KMT2E: variants seen among roughly 807,000 people sequenced by gnomAD.
The protein encoded by KMT2E is histone reader KMT2E.
Under a neutral mutation model 184.6 loss-of-function variants are expected in KMT2E, and 30 were observed. The observed-to-expected ratio is 0.16, with a 90% CI of 0.12 to 0.22. The LOEUF (loss-of-function observed/expected upper bound fraction) is 0.22, where lower values mean the gene tolerates loss of function less well. Ranked by LOEUF, KMT2E falls within the 10% of genes least tolerant of loss-of-function variation. KMT2E has a pLI of 1.00. For synonymous variants in KMT2E, 815 were observed against 776.5 expected, an observed-to-expected ratio of 1.05 and a Z score of -0.82; for missense variants, 2,023 against 2,237.4, an observed-to-expected ratio of 0.90 and a Z score of 1.93.
chr7:105,072,926 A>G (rs1277328456), intron 6 of KMT2E, among the ~76,000 whole-genome samples: 2 of 152,154 alleles, frequency 1.3e-5, no homozygotes, highest in African/African-American at 2.4e-5. Context: ...AAAAAAAAGC[A>G]GTATTTATTT....
At chr7:105,097,978 T>G (rs2089186711) in intron 15 of KMT2E, among the ~76,000 whole-genome samples, 1 of 152,060 alleles carries the variant, frequency 6.6e-6, no homozygotes, top group South Asian at 2.1e-4. Flanking sequence ...ATCAAAATAA[T>G]AAAGAGTGCC....
rs753213026 is a variant in KMT2E at position 105,112,751 on chromosome 7, G to T, written c.4995G>T (p.Gly1665=). The change falls in exon 27 of 27, where the codon GGG becomes GGT. Residue 1665 remains glycine, a synonymous_variant. Transcript: ENST00000311117. The stretch of plus-strand genomic sequence containing the variant: ...GGCCTGTTCATGCGGTCACCCCTGG[G>T]TCGCATATTCATTCTCAAACTGCTG... The part of the protein sequence containing the change: ...VVGPVHAVTP[G]SHIHSQTAGH... 6.2e-7 allele frequency: 1 copy of T among 1,613,346 alleles called. No individual in the cohort carries two copies. Among genetic ancestry groups the T allele is most frequent in the East Asian group, 2.2e-5 (1 of 44,780 alleles).
rs760454347 is a variant in KMT2E, at chr7:105,041,015, A to G, written c.63A>G (p.Ala21=). ...TAETSYLEMA[A]GSEPESVEAS... The stretch of plus-strand genomic sequence containing the variant: ...AGACGTCATACTTGGAAATGGCTGC[A>G]GGTTCAGAGTAAGTATTTAAATTGG... The change falls in exon 3 of 27, where the codon GCA becomes GCG. Residue 21 remains alanine, a synonymous_variant. Transcript: ENST00000311117. The G allele has an allele frequency of 1.3e-6, 2 of 1,547,302 alleles. No individual in the cohort carries two copies. Among genetic ancestry groups the G allele is most frequent in the East Asian group, 2.4e-5 (1 of 41,932 alleles).
At chr7:105,106,461 C>T (rs1798902011) in intron 19 of KMT2E, 61 bp from the exon 20 acceptor site, 2 of 1,433,482 alleles carry the variant, frequency 1.4e-6, no homozygotes, top group Non-Finnish European at 9.8e-7. Context: ...GAATGTGACA[C>T]AAACAGATTT....
chr7:105,103,010 A>G (rs1417733987), intron 17 of KMT2E: 1 of 152,240 alleles, frequency 6.6e-6, no homozygotes, highest in Non-Finnish European at 1.5e-5. Context: ...AGGTTTCATT[A>G]GAGACAATCT....
At chr7:105,024,722 T>C (rs1795102479) in intron 1 of KMT2E, among the ~76,000 whole-genome samples, 1 of 152,202 alleles carries the variant, frequency 6.6e-6, no homozygotes. Context: ...ACATAGTGGT[T>C]AATCAAGGTT....
At chr7:105,028,483 GTTTTC>G (rs1184094972) in intron 1 of KMT2E, among the ~76,000 whole-genome samples, 7 of 151,370 alleles carry the variant, frequency 4.6e-5, no homozygotes, top group Admixed American at 6.6e-5. Context: ...AGACATTTCT[GTTTTC>G]TTTTTCCTCT....
chr7:105,073,820 A>G (rs539909391), intron 7 of KMT2E, 143 bp downstream of exon 7: 3 of 531,106 alleles, frequency 5.6e-6, no homozygotes, highest in East Asian at 3.1e-5. Context: ...AGAGTATGCA[A>G]TCTCTGGTAT....
chr7:105,039,516 C>T (rs1187980544), intron 2 of KMT2E, among the ~76,000 whole-genome samples: 1 of 152,086 alleles, frequency 6.6e-6, no homozygotes, highest in Non-Finnish European at 1.5e-5. Context: ...CTTATATCTG[C>T]CTGTAATATT....
intron 6 of KMT2E, among the ~76,000 whole-genome samples, chr7:105,068,455 T>C (rs1295333851): frequency 6.6e-6 from 1 of 151,676 alleles, no homozygotes; most frequent in Non-Finnish European, 1.5e-5. Flanking sequence ...TGGAACAAAC[T>C]TCTCTTTTTT....
At chr7:105,035,424 C>T (rs573901744) in intron 1 of KMT2E, among the ~76,000 whole-genome samples, 1 of 151,834 alleles carries the variant, frequency 6.6e-6, no homozygotes, top group Non-Finnish European at 1.5e-5. Flanking sequence ...CTGCCTCAGC[C>T]TCCCAAAGTG....
chr7:105,025,071 CAT>C (rs1437231495), intron 1 of KMT2E, among the ~76,000 whole-genome samples: 1 of 152,088 alleles, frequency 6.6e-6, no homozygotes, highest in Non-Finnish European at 1.5e-5. Context: ...TGGAGAATGA[CAT>C]GTGGAACGTG....
At position 105,111,828 on chromosome 7, in the gene KMT2E, G is replaced by C; in HGVS notation, c.4072G>C (p.Gly1358Arg). The C allele has an allele frequency of 4.3e-6, 7 of 1,609,854 alleles. No homozygotes were observed. The highest frequency in any genetic ancestry group is 5.1e-6 in the Non-Finnish European group (6 of 1,178,164). ...CKSPPKMSKP[G>R]SPGSVIPAQA... ...ATAATTTGTTTTCTCTTCATAGCCTGGTTCACCTGGATCTGTAATTCCTGC... is the reference window on the plus strand; with the variant it reads ...ATAATTTGTTTTCTCTTCATAGCCTCGTTCACCTGGATCTGTAATTCCTGC... Residue 1358 changes from glycine to arginine, a missense_variant, in exon 27 of 27, where the codon GGT (glycine) becomes CGT (arginine). Coordinates refer to ENST00000311117, the MANE Select transcript of KMT2E (RefSeq NM_182931.3).
intron 17 of KMT2E, chr7:105,103,088 A>G (rs989559910): frequency 6.6e-6 from 1 of 152,198 alleles, no homozygotes; most frequent in African/African-American, 2.4e-5. Flanking sequence ...AAGCAACCCA[A>G]TATTTGCCTG....
Position 105,113,091 on chromosome 7 carries a change from C to G in KMT2E, c.5335C>G (p.Pro1779Ala). The change falls in exon 27 of 27, where the codon CCT (proline) becomes GCT (alanine). Residue 1779 changes from proline to alanine, a missense_variant. By Grantham distance (27) the Pro-to-Ala change is conservative (BLOSUM62 -1). Around this residue, in one of 8 missense-constraint regions of KMT2E, gnomAD observed 1,108 missense variants for 1,050.9 expected, o/e 1.05. Transcript: ENST00000311117. ...TTLGPGPQHQPSGTGPHCPLP... is the reference protein window; with the variant it reads ...TTLGPGPQHQASGTGPHCPLP... ...TTTGGGACCGGGACCCCAGCACCAG[C>G]CTTCTGGAACAGGGCCACATTGTCC... 6.2e-7 allele frequency: 1 copy of G among 1,614,186 alleles called. No individual in the cohort carries two copies. Among genetic ancestry groups the G allele is most frequent in the East Asian group, 2.2e-5 (1 of 44,874 alleles).
At chr7:105,060,273 G>A (rs776127887) in intron 3 of KMT2E, among the ~76,000 whole-genome samples, 18 of 151,964 alleles carry the variant, frequency 1.2e-4, no homozygotes, top group Admixed American at 2.0e-4. Context: ...GATTACAGGT[G>A]AATATTGGTT....
At chr7:105,040,217 G>A (rs138007187) in intron 2 of KMT2E, among the ~76,000 whole-genome samples, 2 of 152,156 alleles carry the variant, frequency 1.3e-5, no homozygotes, top group Admixed American at 6.5e-5. Context: ...AATTGGTTCA[G>A]ATCCTGGTTT....
chr7:105,020,567 G>A (rs903126956), intron 1 of KMT2E, among the ~76,000 whole-genome samples: 3 of 152,136 alleles, frequency 2.0e-5, no homozygotes, highest in South Asian at 2.1e-4. Flanking sequence ...CCTGGGCAAC[G>A]AGCGAAACTG....
intron 1 of KMT2E, among the ~76,000 whole-genome samples, chr7:105,017,865 C>T (rs888277054): frequency 6.6e-6 from 1 of 152,016 alleles, no homozygotes; most frequent in Non-Finnish European, 1.5e-5. Context: ...AGAGCCTTGA[C>T]AGGTCTCCAT....
Sources: allele counts gnomAD v4.1 joint callset (sites outside exome capture counted in the v4.1 genomes callset), GRCh38; gene constraint gnomAD v4.1.1; regional missense constraint gnomAD v4.1.1; transcripts MANE v1.5; gene names NCBI Gene and HGNC (gene_info 2026-07-23, HGNC 2026-07-21).